Variants in MSR1 observed in about 807,000 individuals in gnomAD.
MSR1 encodes macrophage scavenger receptor types I and II.
A neutral mutation model predicts 47.2 loss-of-function variants in MSR1; 53 were observed. That is an observed-to-expected ratio of 1.12 (90% CI 0.90 to 1.41). The LOEUF is 1.41. MSR1 is among the 40% of genes most tolerant of loss of function. MSR1 has a pLI of 0.00. For synonymous variants in MSR1, 239 were observed against 185.6 expected, an observed-to-expected ratio of 1.29 and a Z score of -2.34; for missense variants, 786 against 546.9, an observed-to-expected ratio of 1.44 and a Z score of -4.36.
intron 8 of MSR1, among the ~76,000 whole-genome samples, chr8:16,125,263 T>C (rs1256301653): frequency 1.3e-5 from 2 of 152,160 alleles, no homozygotes; most frequent in Admixed American, 1.3e-4. Flanking sequence ...TATTTGAATC[T>C]GCTTGACAAG....
At chr8:16,125,636 A>G (rs1800111321) in intron 8 of MSR1, among the ~76,000 whole-genome samples, 1 of 152,162 alleles carries the variant, frequency 6.6e-6, no homozygotes, top group African/African-American at 2.4e-5. Flanking sequence ...GTACATACAT[A>G]TGTAGTAAAT....
chr8:16,167,131 CACTG>C (rs1388042594), intron 4 of MSR1, among the ~76,000 whole-genome samples: 1 of 152,196 alleles, frequency 6.6e-6, no homozygotes, highest in Non-Finnish European at 1.5e-5. Context: ...TCAAACAGCT[CACTG>C]ATCACCAGAT....
intron 4 of MSR1, 96 bp from the exon 5 acceptor site, chr8:16,164,347 CATATT>C: frequency 3.0e-6 from 3 of 989,138 alleles, no homozygotes; most frequent in Admixed American, 2.0e-5. Context: ...TTTTTAAAAA[CATATT>C]ATGGGAGTTT....
chr8:16,110,541 A>G (rs988725802), intron 9 of MSR1, among the ~76,000 whole-genome samples: 2 of 152,162 alleles, frequency 1.3e-5, no homozygotes, highest in African/African-American at 4.8e-5. Flanking sequence ...AAAATAAAGA[A>G]GAAAGTTTGA....
At chr8:16,133,177 C>T (rs1396308228) in intron 8 of MSR1, among the ~76,000 whole-genome samples, 2 of 152,122 alleles carry the variant, frequency 1.3e-5, no homozygotes, top group Admixed American at 6.6e-5. Flanking sequence ...TTTTACTTCT[C>T]AACATAAGCT....
chr8:16,170,122 G>A (rs1340886209), intron 3 of MSR1, among the ~76,000 whole-genome samples: 2 of 152,074 alleles, frequency 1.3e-5, no homozygotes, highest in South Asian at 2.1e-4. Flanking sequence ...GGCGCAGGGA[G>A]GTGGATCCCC....
At chr8:16,164,756 A>G (rs749681999) in intron 4 of MSR1, among the ~76,000 whole-genome samples, 5 of 152,028 alleles carry the variant, frequency 3.3e-5, no homozygotes, top group Non-Finnish European at 7.4e-5. Flanking sequence ...TCGAACTCGC[A>G]TATTAACAGT....
Position 16,120,446 on chromosome 8 carries a change from G to C in MSR1, c.1194C>G (p.Ala398=). Residue 398 remains alanine (A), a synonymous_variant, in exon 9 of 10, where the codon GCC becomes GCG. Coordinates refer to ENST00000262101, the MANE Select transcript of MSR1 (RefSeq NM_138715.3). ...CRSLGYPGVQ[A]VHKAAHFGQG... Reference sequence around the variant, plus strand: ...GTCCAAAGTGAGCTGCCTTGTGCACGGCTTGAACACCTGGGTATCCCAAGC... The same window carrying C: ...GTCCAAAGTGAGCTGCCTTGTGCACCGCTTGAACACCTGGGTATCCCAAGC... 6.2e-7 allele frequency: 1 copy of C among 1,613,528 alleles called. No homozygotes were observed. The highest frequency in any genetic ancestry group is 1.6e-4 in the Middle Eastern group (1 of 6,062).
chr8:16,150,285 C>G lies in MSR1; in HGVS notation c.925G>C (p.Gly309Arg), dbSNP rs1800819175. ...IGPPGLKGDR[G>R]AIGFPGSRGL... ...CGACTTCCAGGAAAGCCAATTGCTC[C>G]CCGATCACCTTTAAGACCCGGAGGA... Residue 309 changes from glycine to arginine, a missense_variant, in exon 7 of 10, where the codon GGA (glycine) becomes CGA (arginine). Coordinates refer to ENST00000262101, the MANE Select transcript of MSR1 (RefSeq NM_138715.3). 2 of 1,569,182 alleles carry G rather than the reference C, an allele frequency of 1.3e-6. No individual in the cohort carries two copies. The highest frequency in any genetic ancestry group is 2.7e-5 in the African/African-American group (2 of 73,400).
chr8:16,139,217 T>C (rs1800465760), intron 8 of MSR1: 1 of 962,076 alleles, frequency 1.0e-6, no homozygotes, highest in African/African-American at 1.8e-5. Flanking sequence ...TGCATTTTCA[T>C]TTTGCTTTCA....
rs1800823525 is a variant in MSR1, at chr8:16,150,394, T to A, written c.899-83A>T. On this transcript the variant is annotated intron_variant, in intron 6 of 9. Coordinates refer to ENST00000262101, the MANE Select transcript of MSR1 (RefSeq NM_138715.3). The stretch of plus-strand genomic sequence containing the variant: ...AGTATAATGAAAACATCTAGTTTTA[T>A]AAGTGAATATGAAATTAGAGAATCT... The A allele has an allele frequency of 9.6e-6, 6 of 626,834 alleles. No homozygotes were observed. The South Asian group carries it at 1.0e-4, about 11-fold the overall frequency. The allele number at this position is 626,834 out of a possible 1,614,324, so 38.8% of individuals were successfully genotyped here. A position where few individuals can be genotyped will look rare whatever the true frequency, so the allele number is the denominator to read the frequency against.
chr8:16,147,877 C>T (rs1245029128), intron 7 of MSR1, among the ~76,000 whole-genome samples: 1 of 151,918 alleles, frequency 6.6e-6, no homozygotes, highest in Non-Finnish European at 1.5e-5. Flanking sequence ...TCCACCTAAA[C>T]ATAATGGTTT....
Position 16,110,040 on chromosome 8 carries a change from A to G in MSR1, c.*45T>C. 1 of 1,609,854 alleles carries G rather than the reference A, an allele frequency of 6.2e-7. No individual in the cohort carries two copies. Among genetic ancestry groups the G allele is most frequent in the Non-Finnish European group, 8.5e-7 (1 of 1,177,086 alleles). ...TTTACAGGAACAAGGTAATAAAATC[A>G]TTTTTGAGCAGCGATTTCATAGTTG... is the stretch of plus-strand genomic sequence containing the variant. On this transcript the variant is annotated 3_prime_UTR_variant, in exon 10 of 10. Transcript: ENST00000262101.
chr8:16,134,570 T>C (rs1800344454), intron 8 of MSR1, among the ~76,000 whole-genome samples: 2 of 152,092 alleles, frequency 1.3e-5, no homozygotes, highest in African/African-American at 4.8e-5. Flanking sequence ...CCCTATTCCC[T>C]GAGACACAGC....
At chr8:16,131,441 G>GTTTTTTTTTTTT (rs56321577) in intron 8 of MSR1, among the ~76,000 whole-genome samples, 2 of 54,660 alleles carry the variant, frequency 3.7e-5, no homozygotes, top group African/African-American at 1.6e-4. Context: ...TCTGTTGATA[G>GTTTTTTTTTTTT]TTTTTTTTTT....
chr8:16,189,330 CAT>C lies in MSR1; in HGVS notation c.-5+3266_-5+3267del, dbSNP rs1298640256. 6.1e-4 allele frequency among the ~76,000 whole-genome samples: 53 copies of C among 87,096 alleles called. 1 individual carries two copies. In the East Asian group the frequency reaches 8.1e-3, roughly 13 times the overall value. 57.1% of individuals were successfully genotyped at this position (87,096 alleles called of 152,430 possible). A position where few individuals can be genotyped will look rare whatever the true frequency, so the allele number is the denominator to read the frequency against. The stretch of plus-strand genomic sequence containing the variant: ...TATATATAAAATCTTATTTACATTT[CAT>C]ATATATATAAAATCTTATTTTATAT... On this transcript the variant is annotated intron_variant, in intron 1 of 9. Coordinates refer to ENST00000262101, the MANE Select transcript of MSR1 (RefSeq NM_138715.3).
At chr8:16,166,964 C>G (rs1399584861) in intron 4 of MSR1, among the ~76,000 whole-genome samples, 2 of 151,580 alleles carry the variant, frequency 1.3e-5, no homozygotes, top group South Asian at 4.1e-4. Flanking sequence ...CACACACACA[C>G]ACACATGCAC....
rs368925863 is a variant in MSR1 at position 16,155,155 on chromosome 8, A to G, written c.818-11T>C. Reference sequence around the variant, plus strand: ...GGGGTCCAGGAGGACCTTTAAAAAAATTACAGTTACTGATCATAGTTGTAA... The same window carrying G: ...GGGGTCCAGGAGGACCTTTAAAAAAGTTACAGTTACTGATCATAGTTGTAA... On this transcript the variant is annotated splice_polypyrimidine_tract_variant and intron_variant, in intron 5 of 9. Transcript: ENST00000262101. The G allele has an allele frequency of 2.2e-5, 36 of 1,604,122 alleles. No individual in the cohort carries two copies. Among genetic ancestry groups the G allele is most frequent in the Non-Finnish European group, 2.6e-5 (31 of 1,172,140 alleles).
At chr8:16,156,066 TGTTCCATA>T (rs1800997470) in intron 5 of MSR1, among the ~76,000 whole-genome samples, 1 of 151,934 alleles carries the variant, frequency 6.6e-6, no homozygotes, top group African/African-American at 2.4e-5. Context: ...CTAAACACCA[TGTTCCATA>T]TGGAGTACAG....
Sources: gnomAD v4.1 joint callset for allele counts (sites outside exome capture counted in the v4.1 genomes callset) on GRCh38, gnomAD v4.1.1 for gene constraint, MANE v1.5 for transcripts, NCBI Gene and HGNC (gene_info 2026-07-23, HGNC 2026-07-21) for gene names.